The following TAF1B variants were observed in gnomAD, a reference collection of about 807,000 sequenced individuals.
TAF1B encodes TATA box-binding protein-associated factor RNA polymerase I subunit B.
In TAF1B, 61 loss-of-function variants were observed where a neutral mutation model predicts 83.9. The observed-to-expected ratio is 0.73, with a 90% CI of 0.59 to 0.90. TAF1B has a LOEUF of 0.90. Among genes scored for constraint, TAF1B ranks in the 40% least tolerant of loss-of-function variants. TAF1B has a pLI of 0.00. For synonymous variants in TAF1B, 221 were observed against 224.6 expected (o/e 0.98, Z 0.14); for missense variants, 625 against 677.0 (o/e 0.92, Z 0.85).
chr2:9,851,072 T>C (rs1332631486), intron 3 of TAF1B, among the ~76,000 whole-genome samples: 1 of 152,190 alleles, frequency 6.6e-6, no homozygotes, highest in Non-Finnish European at 1.5e-5. Flanking sequence ...TGTTCCCTTG[T>C]GAGTTGGAAC....
rs186768123 is a variant in TAF1B at position 9,916,750 on chromosome 2, T to C, written c.1272-2291T>C. On this transcript the variant is annotated intron_variant, in intron 12 of 14. Transcript: ENST00000263663. ...TGGTATGGTTCACTAAAGTTTAGTT[T>C]CACATGATTTTCAGGAAACCATCTC... Among the ~76,000 whole-genome samples, 199 of 152,196 alleles carry C rather than the reference T, an allele frequency of 1.3e-3. 2 individuals carry two copies. The highest frequency in any genetic ancestry group is 4.5e-3 in the African/African-American group (186 of 41,544).
intron 9 of TAF1B, among the ~76,000 whole-genome samples, chr2:9,908,025 ATTCTTTTTT>A (rs1665400689): frequency 2.0e-5 from 2 of 100,934 alleles, no homozygotes; most frequent in Non-Finnish European, 3.6e-5. Flanking sequence ...CAAGATCTTA[ATTCTTTTTT>A]TTTTTTTTTT....
At chr2:9,843,653 G>A in intron 1 of TAF1B, 94 bp downstream of exon 1, 1 of 1,339,858 alleles carries the variant, frequency 7.5e-7, no homozygotes, top group Non-Finnish European at 9.9e-7. Context: ...GGGTTGGGGC[G>A]GCGACGCCAC....
At chr2:9,854,788 G>A (rs1663505652) in intron 5 of TAF1B, among the ~76,000 whole-genome samples, 1 of 152,030 alleles carries the variant, frequency 6.6e-6, no homozygotes. Flanking sequence ...TACTTTATGT[G>A]GCATTTCAAG....
intron 5 of TAF1B, among the ~76,000 whole-genome samples, chr2:9,859,362 T>A (rs1439473218): frequency 6.6e-6 from 1 of 151,684 alleles, no homozygotes; most frequent in Admixed American, 6.6e-5. Context: ...CAGCCTGGAC[T>A]TCATTGTCCA....
intron 8 of TAF1B, among the ~76,000 whole-genome samples, chr2:9,893,136 A>G (rs1210749406): frequency 6.6e-6 from 1 of 152,240 alleles, no homozygotes; most frequent in East Asian, 1.9e-4. Flanking sequence ...GAAAAGTTGC[A>G]AAACTAAGAG....
At chr2:9,888,305 A>T in intron 8 of TAF1B, among the ~76,000 whole-genome samples, 1 of 134,944 alleles carries the variant, frequency 7.4e-6, no homozygotes. Flanking sequence ...ACCTTAATGC[A>T]TTGGGATTTT....
chr2:9,902,178 C>T (rs1454205861), intron 8 of TAF1B, among the ~76,000 whole-genome samples: 1 of 151,620 alleles, frequency 6.6e-6, no homozygotes, highest in Non-Finnish European at 1.5e-5. Context: ...AAGGTCTTTC[C>T]ACCTTTGTAT....
At chr2:9,897,557 G>A (rs1665053889) in intron 8 of TAF1B, among the ~76,000 whole-genome samples, 1 of 152,246 alleles carries the variant, frequency 6.6e-6, no homozygotes, top group South Asian at 2.1e-4. Flanking sequence ...ATGTAATACT[G>A]GGTCAGCCAA....
rs778775179 is a variant in TAF1B at position 9,882,798 on chromosome 2, G to T, written c.800G>T (p.Gly267Val). The change falls in exon 8 of 15, where the codon GGT (glycine) becomes GTT (valine). Residue 267 changes from glycine to valine, a missense_variant. Gly to Val is a moderately radical substitution (Grantham distance 109). Transcript: ENST00000263663. The part of the protein sequence containing the change: ...KLYGRDRGIF[G>V]IESWPDYEDI... ...TATGGACGTGACAGAGGAATCTTTG[G>T]TATAGAGGTAAGTTATTTTCTTTTT... is the stretch of plus-strand genomic sequence containing the variant. 1 of 1,602,490 alleles carries T rather than the reference G, an allele frequency of 6.2e-7. No individual in the cohort carries two copies. The highest frequency in any genetic ancestry group is 8.5e-7 in the Non-Finnish European group (1 of 1,174,836).
At chr2:9,899,305 A>G (rs886408045) in intron 8 of TAF1B, among the ~76,000 whole-genome samples, 1 of 152,188 alleles carries the variant, frequency 6.6e-6, no homozygotes, top group African/African-American at 2.4e-5. Flanking sequence ...ACTTAGCATA[A>G]TATCTTTAAG....
chr2:9,931,067 A>G (rs533182106), intron 14 of TAF1B, among the ~76,000 whole-genome samples: 10 of 152,156 alleles, frequency 6.6e-5, no homozygotes, highest in African/African-American at 1.9e-4. Flanking sequence ...GTGTCTCTGC[A>G]TGTGAGATGG....
At chr2:9,847,969 A>G (rs1663260800) in intron 2 of TAF1B, among the ~76,000 whole-genome samples, 1 of 152,230 alleles carries the variant, frequency 6.6e-6, no homozygotes, top group Non-Finnish European at 1.5e-5. Flanking sequence ...TATAGACTGT[A>G]AATATTCCAT....
At position 9,920,146 on chromosome 2, in the gene TAF1B, C is replaced by G. The variant is rs181090090; in HGVS notation, c.1565+326C>G. On this transcript the variant is annotated intron_variant, in intron 14 of 14. Transcript: ENST00000263663. ...TCTGAGTCAGTTACCTTTATCATGT[C>G]TTTCTACCTCTTAATACTTCCTTAA... Among the ~76,000 whole-genome samples, 18 of 152,248 alleles carry G rather than the reference C, an allele frequency of 1.2e-4. No homozygotes were observed. In the East Asian group the frequency reaches 3.3e-3, roughly 28 times the overall value.
intron 9 of TAF1B, among the ~76,000 whole-genome samples, 189 bp from the exon 10 acceptor site, chr2:9,910,547 T>TA (rs1441400383): frequency 6.6e-6 from 1 of 152,224 alleles, no homozygotes; most frequent in Non-Finnish European, 1.5e-5. Context: ...TAGGGAATGA[T>TA]ACGCCGTTTT....
intron 8 of TAF1B, among the ~76,000 whole-genome samples, chr2:9,885,240 G>C (rs553960295): frequency 6.6e-6 from 1 of 152,298 alleles, no homozygotes; most frequent in African/African-American, 2.4e-5. Context: ...TCTGTCTGAG[G>C]TGTCTGCTTT....
intron 5 of TAF1B, among the ~76,000 whole-genome samples, chr2:9,862,014 CTG>C (rs1279712913): frequency 6.6e-6 from 1 of 151,790 alleles, no homozygotes; most frequent in Non-Finnish European, 1.5e-5. Context: ...AGCAGAAAAA[CTG>C]TAAACTCTAA....
rs75500932 is a variant in TAF1B at position 9,901,524 on chromosome 2, T to C, written c.808-3335T>C. ...TTAGTGACCTTACACATACTTGTCA[T>C]GAATTTATCATCCATTAAATCATTT... On this transcript the variant is annotated intron_variant, in intron 8 of 14. Transcript: ENST00000263663. 5.8e-3 allele frequency among the ~76,000 whole-genome samples: 887 copies of C among 152,312 alleles called. 12 individuals carry two copies. The highest frequency in any genetic ancestry group is 0.02 in the African/African-American group (822 of 41,578).
chr2:9,843,449 G>A (rs1460521463), upstream of TAF1B: 6 of 1,327,842 alleles, frequency 4.5e-6, no homozygotes, highest in South Asian at 1.3e-5. Flanking sequence ...CGGATCTCGC[G>A]TTTCCGGCCG....
Sources: gnomAD v4.1 joint callset for allele counts (sites outside exome capture counted in the v4.1 genomes callset) on GRCh38, gnomAD v4.1.1 for gene constraint, MANE v1.5 for transcripts, NCBI Gene and HGNC (gene_info 2026-07-23, HGNC 2026-07-21) for gene names.